MASP1: variants seen among roughly 807,000 people sequenced by gnomAD.
MASP1 encodes mannan-binding lectin serine protease 1.
MASP1 carries 59 observed loss-of-function variants against 77.1 expected under a neutral mutation model. The ratio of observed to expected loss-of-function variants is 0.77; its 90% confidence interval spans 0.62 to 0.95. MASP1 has a LOEUF of 0.95. Ranked by LOEUF, MASP1 falls within the 40% of genes least tolerant of loss-of-function variation. MASP1 has a pLI of 0.00. For missense variants in MASP1, 885 were observed against 912.9 expected (o/e 0.97, Z 0.39); for synonymous variants, 362 against 354.5 (o/e 1.02, Z -0.24).
intron 13 of MASP1, among the ~76,000 whole-genome samples, chr3:187,223,681 C>T (rs75490356): frequency 0.012 from 1,877 of 152,292 alleles, 11 homozygotes; most frequent in South Asian, 0.03. Flanking sequence ...ACTTGGTATT[C>T]TCTAAAACCC....
chr3:187,265,074 G>T (rs77075103), intron 2 of MASP1, among the ~76,000 whole-genome samples: 1 of 152,056 alleles, frequency 6.6e-6, no homozygotes, highest in Admixed American at 6.6e-5. Context: ...AGACATAGCA[G>T]TCATCATAGT....
intron 2 of MASP1, chr3:187,276,788 C>G (rs550604313): frequency 6.6e-6 from 1 of 152,082 alleles, no homozygotes; most frequent in Admixed American, 6.5e-5. Flanking sequence ...AGAATTCCAC[C>G]GGAGACTACA....
chr3:187,269,091 A>G (rs1716307137), intron 2 of MASP1, among the ~76,000 whole-genome samples: 1 of 151,810 alleles, frequency 6.6e-6, no homozygotes, highest in South Asian at 2.1e-4. Flanking sequence ...AGATTTTAAA[A>G]CCAAAAATGG....
In MASP1 at chr3:187,253,625, TG is replaced by T. The variant is rs1160012146; in HGVS notation, c.745-311del. Among the ~76,000 whole-genome samples, 13 of 152,310 alleles carry T rather than the reference TG, an allele frequency of 8.5e-5. No homozygotes were observed. In the Middle Eastern group the frequency reaches 0.01, roughly 120 times the overall value. ...CATCAATGATAGACTGGCATTGATG[TG>T]GCACATATACACTGTGGAATACTAT... On this transcript the variant is annotated intron_variant, in intron 5 of 10. Coordinates refer to ENST00000296280, the MANE Select transcript of MASP1 (RefSeq NM_139125.4).
intron 4 of MASP1, among the ~76,000 whole-genome samples, chr3:187,258,927 T>A (rs1715327347): frequency 6.6e-6 from 1 of 152,210 alleles, no homozygotes; most frequent in Non-Finnish European, 1.5e-5. Context: ...GGGAGGATTC[T>A]CAAATTGTTC....
intron 4 of MASP1, among the ~76,000 whole-genome samples, chr3:187,257,548 C>T (rs1002647922): frequency 2.0e-5 from 3 of 152,050 alleles, no homozygotes; most frequent in Admixed American, 6.6e-5. Context: ...TAACACCTGG[C>T]TGATTTTTGA....
rs776909379 is a variant in MASP1, at chr3:187,262,643, C to G, written c.315G>C (p.Glu105Asp). 1.4e-4 allele frequency: 223 copies of G among 1,614,138 alleles called. 1 individual carries two copies. The highest frequency in any genetic ancestry group is 3.3e-4 in the Middle Eastern group (2 of 6,062). The change falls in exon 3 of 11, where the codon GAG becomes GAC. Residue 105 changes from glutamate to aspartate, a missense_variant. By Grantham distance (45) the Glu-to-Asp change is conservative (BLOSUM62 2). Transcript: ENST00000296280. The stretch of plus-strand genomic sequence containing the variant: ...TGAAGGAGCCAGGGGAGAGGACCAC[C>G]TCCTGGCCGGGAGTCTGCTCTGTGT... ...TTDTEQTPGQ[E>D]VVLSPGSFMS...
At chr3:187,269,996 G>A (rs1292965310) in intron 2 of MASP1, among the ~76,000 whole-genome samples, 1 of 152,142 alleles carries the variant, frequency 6.6e-6, no homozygotes, top group African/African-American at 2.4e-5. Context: ...CATATGCAAA[G>A]GACAAGAATT....
chr3:187,286,716 C>T (rs565515002), intron 1 of MASP1, among the ~76,000 whole-genome samples: 3 of 152,314 alleles, frequency 2.0e-5, no homozygotes, highest in South Asian at 4.1e-4. Context: ...GACGCAATAA[C>T]GAGGCAGAAT....
At position 187,256,657 on chromosome 3, in the gene MASP1, G is replaced by T; in HGVS notation, c.744+7C>A. The T allele has an allele frequency of 6.2e-7, 1 of 1,613,664 alleles. No homozygotes were observed. ...ATCTCCAGGACAAGTGTTCATTGCA[G>T]GCTCACCTTGATGTAGTCATAGGGG... On this transcript the variant is annotated splice_region_variant and intron_variant, in intron 5 of 10. Coordinates refer to ENST00000296280, the MANE Select transcript of MASP1 (RefSeq NM_139125.4).
rs577094079 is a variant in MASP1 at position 187,268,480 on chromosome 3, C to T, written c.238-5760G>A. On this transcript the variant is annotated intron_variant, in intron 2 of 10. Transcript: ENST00000296280. ...CCAGCCTGGGCAACAGAGGACAGAG[C>T]GAGACTCTGTCTATGAAAAAGAAAG... 4.1e-5 allele frequency among the ~76,000 whole-genome samples: 6 copies of T among 144,968 alleles called. No individual in the cohort carries two copies. In the South Asian group the frequency reaches 1.1e-3, roughly 26 times the overall value.
At chr3:187,259,765 G>C (rs1412181699) in intron 4 of MASP1, among the ~76,000 whole-genome samples, 1 of 152,182 alleles carries the variant, frequency 6.6e-6, no homozygotes, top group South Asian at 2.1e-4. Context: ...GCAAATAGCA[G>C]GTTTTGAAGG....
rs111486346 is a variant in MASP1, at chr3:187,221,123, C to T, written c.1821G>A (p.Pro607=). Residue 607 remains proline, a synonymous_variant, in exon 15 of 16, where the codon CCG becomes CCA. Coordinates refer to the MASP1 transcript ENST00000337774. ...TCTGGCAGGTGCTGTGGTCAACAAT[C>T]GGGATTTCAATCTAGAACACAAAGC... is the stretch of plus-strand genomic sequence containing the variant. 9.7e-5 allele frequency: 157 copies of T among 1,613,726 alleles called. 1 individual carries two copies. Among genetic ancestry groups the T allele is most frequent in the Middle Eastern group, 5.0e-4 (3 of 6,060 alleles).
At chr3:187,248,344 T>C (rs962551652) in intron 8 of MASP1, among the ~76,000 whole-genome samples, 6 of 152,204 alleles carry the variant, frequency 3.9e-5, no homozygotes, top group Non-Finnish European at 7.3e-5. Flanking sequence ...GTTTATCTTT[T>C]GCATGTTTCT....
intron 8 of MASP1, among the ~76,000 whole-genome samples, chr3:187,249,667 T>G (rs554726351): frequency 8.5e-5 from 13 of 152,328 alleles, no homozygotes; most frequent in African/African-American, 3.1e-4. Flanking sequence ...AAACTCCTTA[T>G]TTTATAGTTG....
At chr3:187,224,961 A>C (rs1712324175) in intron 13 of MASP1, among the ~76,000 whole-genome samples, 1 of 151,988 alleles carries the variant, frequency 6.6e-6, no homozygotes, top group Non-Finnish European at 1.5e-5. Flanking sequence ...CCAGGTTCTT[A>C]CCTTTGTTTC....
chr3:187,274,732 G>A (rs532537287), intron 2 of MASP1, among the ~76,000 whole-genome samples: 52 of 152,250 alleles, frequency 3.4e-4, no homozygotes, highest in South Asian at 1.5e-3. Context: ...GGGGGCCTGA[G>A]AAACAGCTGG....
chr3:187,229,975 C>T (rs1712672572), downstream of MASP1: 1 of 1,537,146 alleles, frequency 6.5e-7, no homozygotes, highest in East Asian at 2.3e-5. Context: ...CCCAGCTCCT[C>T]ACCCTGTTAG....
intron 5 of MASP1, among the ~76,000 whole-genome samples, chr3:187,254,131 A>C (rs992311659): frequency 6.6e-6 from 1 of 152,238 alleles, no homozygotes; most frequent in African/African-American, 2.4e-5. Context: ...TGGGGGGACT[A>C]ATAAGAAATA....
Sources: allele counts gnomAD v4.1 joint callset (sites outside exome capture counted in the v4.1 genomes callset), GRCh38; gene constraint gnomAD v4.1.1; transcripts MANE v1.5; gene names NCBI Gene and HGNC (gene_info 2026-07-23, HGNC 2026-07-21).